PEPD: variants seen among roughly 807,000 people sequenced by gnomAD.
PEPD encodes xaa-Pro dipeptidase.
PEPD carries 53 observed loss-of-function variants against 60.7 expected under a neutral mutation model. The observed-to-expected ratio is 0.87, with a 90% CI of 0.70 to 1.10. PEPD has a LOEUF of 1.10. PEPD is among the 50% of genes least tolerant of loss of function. The pLI is 0.00. For synonymous variants in PEPD, 267 were observed against 284.1 expected (o/e 0.94, Z 0.60); for missense variants, 711 against 711.9 (o/e 1.00, Z 0.01).
Position 33,475,191 on chromosome 19 carries a change from T to C in PEPD, c.548+2855A>G, listed in dbSNP as rs76090054. ...GAGCAGGGAGGAGATAGGGCTAGAA[T>C]TCACATGTGCCCGAGTTGATGGTTT... On this transcript the variant is annotated intron_variant, in intron 7 of 14. Transcript: ENST00000244137. 2.6e-3 allele frequency among the ~76,000 whole-genome samples: 388 copies of C among 152,086 alleles called. 7 individuals are homozygous for C. In the East Asian group the frequency reaches 0.046, roughly 18 times the overall value.
At chr19:33,453,691 A>C (rs942045283) in intron 9 of PEPD, among the ~76,000 whole-genome samples, 1 of 152,250 alleles carries the variant, frequency 6.6e-6, no homozygotes, top group African/African-American at 2.4e-5. Context: ...GCTTTATTGC[A>C]GTAGTCTGGA....
chr19:33,401,873 C>T lies in PEPD; in HGVS notation c.819-4G>A, dbSNP rs370100218. ...CTCACCGCCCATGTCGAACAGGCTG[C>T]GGAGAGAGGAAGGCAGGGCAAGTGG... On this transcript the variant is annotated splice_polypyrimidine_tract_variant and splice_region_variant and intron_variant, in intron 11 of 14. Coordinates refer to ENST00000244137, the MANE Select transcript of PEPD (RefSeq NM_000285.4). The T allele has an allele frequency of 1.3e-5, 21 of 1,612,590 alleles. No homozygotes were observed. The highest frequency in any genetic ancestry group is 5.0e-5 in the Admixed American group (3 of 59,980).
At chr19:33,504,713 C>T (rs534825799) in intron 3 of PEPD, among the ~76,000 whole-genome samples, 10 of 151,616 alleles carry the variant, frequency 6.6e-5, no homozygotes, top group Non-Finnish European at 8.8e-5. Context: ...GAGCCGAGAT[C>T]GTGCCATTGT....
chr19:33,387,614 G>A (rs1968106998), intron 14 of PEPD, 133 bp from the exon 15 acceptor site: 13 of 1,193,524 alleles, frequency 1.1e-5, no homozygotes, highest in Non-Finnish European at 1.5e-5. Context: ...GGTGGCCTCC[G>A]GGCTCCTTCA....
intron 9 of PEPD, among the ~76,000 whole-genome samples, chr19:33,420,988 T>G (rs1358024674): frequency 1.3e-5 from 2 of 152,216 alleles, no homozygotes; most frequent in Non-Finnish European, 2.9e-5. Context: ...CTGCTTCCGC[T>G]GCCACAATGT....
intron 3 of PEPD, among the ~76,000 whole-genome samples, chr19:33,509,440 A>G (rs764025183): frequency 6.6e-6 from 1 of 152,298 alleles, no homozygotes; most frequent in East Asian, 1.9e-4. Flanking sequence ...ATGATTACCA[A>G]CTTGTAAGCC....
chr19:33,484,439 G>A lies in PEPD; in HGVS notation c.503+5557C>T, dbSNP rs146073325. Among the ~76,000 whole-genome samples the A allele has an allele frequency of 7.4e-4, 113 of 152,218 alleles. No individual in the cohort carries two copies. In the East Asian group the frequency reaches 0.011, roughly 15 times the overall value. On this transcript the variant is annotated intron_variant, in intron 6 of 14. Transcript: ENST00000244137. ...AGTGACTCAGCACATAGACACAGAT[G>A]CACACACGCAGACACACAGAGACAG...
At chr19:33,419,201 G>A (rs1968957419) in intron 9 of PEPD, among the ~76,000 whole-genome samples, 1 of 152,150 alleles carries the variant, frequency 6.6e-6, no homozygotes, top group African/African-American at 2.4e-5. Context: ...CCATCTCCAT[G>A]TGGGCAAGCA....
At chr19:33,506,976 C>T (rs1179812204) in intron 3 of PEPD, among the ~76,000 whole-genome samples, 1 of 150,256 alleles carries the variant, frequency 6.7e-6, no homozygotes, top group Admixed American at 6.6e-5. Flanking sequence ...TATGTCCTCT[C>T]CACATCACAT....
At chr19:33,464,938 T>G (rs1969993389) in intron 7 of PEPD, among the ~76,000 whole-genome samples, 1 of 152,200 alleles carries the variant, frequency 6.6e-6, no homozygotes. Context: ...GCAGCCATGC[T>G]GAGGCATTCA....
chr19:33,513,822 C>T (rs1186367541), intron 1 of PEPD, among the ~76,000 whole-genome samples: 4 of 152,200 alleles, frequency 2.6e-5, no homozygotes, highest in African/African-American at 7.2e-5. Context: ...TTTGCCGCTG[C>T]GGCGCCCTGT....
At chr19:33,509,192 G>A (rs1252420366) in intron 3 of PEPD, among the ~76,000 whole-genome samples, 1 of 152,250 alleles carries the variant, frequency 6.6e-6, no homozygotes, top group Non-Finnish European at 1.5e-5. Context: ...ATCACGACAG[G>A]ATGGGAAGGC....
intron 7 of PEPD, among the ~76,000 whole-genome samples, chr19:33,470,689 C>T (rs2145285455): frequency 6.6e-6 from 1 of 152,328 alleles, no homozygotes; most frequent in Admixed American, 6.5e-5. Context: ...TCAAAGCTAC[C>T]TGTCCTTCCA....
At chr19:33,422,797 T>TATCC (rs1224039590) in intron 9 of PEPD, among the ~76,000 whole-genome samples, 2 of 144,972 alleles carry the variant, frequency 1.4e-5, no homozygotes, top group Non-Finnish European at 3.0e-5. Context: ...TCCCTCTATC[T>TATCC]ATCCATCCAT....
intron 9 of PEPD, among the ~76,000 whole-genome samples, chr19:33,439,894 T>A (rs755193466): frequency 1.3e-5 from 2 of 152,166 alleles, no homozygotes; most frequent in Non-Finnish European, 2.9e-5. Context: ...AAGGTTCTTG[T>A]TTTTGTAGAG....
chr19:33,393,755 C>G lies in PEPD; in HGVS notation c.968-2276G>C, dbSNP rs546232413. Among the ~76,000 whole-genome samples the G allele has an allele frequency of 2.0e-5, 3 of 152,342 alleles. No homozygotes were observed. The South Asian group carries it at 6.2e-4, about 32-fold the overall frequency. On this transcript the variant is annotated intron_variant, in intron 12 of 14. Transcript: ENST00000244137. ...CAAGCCTGCCCAGCCTCTGCTGCTG[C>G]TCTTCTCTGAGAACCCAGCCCGGAC...
chr19:33,399,425 A>G (rs2145342329), intron 12 of PEPD, among the ~76,000 whole-genome samples: 1 of 152,318 alleles, frequency 6.6e-6, no homozygotes, highest in East Asian at 1.9e-4. Flanking sequence ...TTTGGGGCAC[A>G]TCTGGGGTCC....
intron 11 of PEPD, among the ~76,000 whole-genome samples, chr19:33,409,177 C>G (rs955173564): frequency 1.3e-5 from 2 of 152,228 alleles, no homozygotes; most frequent in Non-Finnish European, 2.9e-5. Flanking sequence ...AAGGAGCAGT[C>G]ACTTCTTCTG....
intron 3 of PEPD, 68 bp downstream of exon 3, chr19:33,510,960 C>T: frequency 1.3e-6 from 2 of 1,490,290 alleles, no homozygotes; most frequent in East Asian, 2.5e-5. Context: ...GCTCTCTCAT[C>T]CCACCTCCCC....
Sources: allele counts gnomAD v4.1 joint callset (sites outside exome capture counted in the v4.1 genomes callset), GRCh38; gene constraint gnomAD v4.1.1; transcripts MANE v1.5; gene names NCBI Gene and HGNC (gene_info 2026-07-23, HGNC 2026-07-21).